The following CALN1 variants were observed in gnomAD, a reference collection of about 807,000 sequenced individuals.
CALN1 encodes calneuron 1.
In CALN1, 17 loss-of-function variants were observed where a neutral mutation model predicts 30.6. The observed-to-expected ratio is 0.56, with a 90% confidence interval of 0.38 to 0.83. The LOEUF is 0.83. Ranked by LOEUF, CALN1 falls within the 40% of genes least tolerant of loss-of-function variation. CALN1 has a pLI of 0.00. For synonymous variants in CALN1, 156 were observed against 131.4 expected, an observed-to-expected ratio of 1.19 and a Z score of -1.28; for missense variants, 291 against 354.9, an observed-to-expected ratio of 0.82 and a Z score of 1.45.
chr7:71,909,251 A>T (rs751915196), intron 5 of CALN1, among the ~76,000 whole-genome samples: 4 of 152,164 alleles, frequency 2.6e-5, no homozygotes, highest in Admixed American at 1.3e-4. Flanking sequence ...GGCCTCCGGA[A>T]GTGCTGGTAT....
At chr7:72,395,122 C>G (rs1293965349) in intron 2 of CALN1, among the ~76,000 whole-genome samples, 1 of 152,170 alleles carries the variant, frequency 6.6e-6, no homozygotes, top group Non-Finnish European at 1.5e-5. Flanking sequence ...ACCCTGTAGA[C>G]TGCATGAGGA....
intron 1 of CALN1, among the ~76,000 whole-genome samples, chr7:72,417,585 T>C (rs1447085550): frequency 6.6e-6 from 1 of 152,258 alleles, no homozygotes; most frequent in Non-Finnish European, 1.5e-5. Flanking sequence ...ATGCATTGTG[T>C]GTTTGAATGT....
At chr7:72,197,910 C>T (rs536515207) in intron 3 of CALN1, among the ~76,000 whole-genome samples, 16 of 152,012 alleles carry the variant, frequency 1.1e-4, no homozygotes, top group East Asian at 3.9e-4. Flanking sequence ...TAAAAAAGAA[C>T]GTGGCCTGCA....
intron 3 of CALN1, among the ~76,000 whole-genome samples, chr7:72,271,575 A>AATATAT (rs1410679506): frequency 3.8e-5 from 2 of 52,122 alleles, no homozygotes; most frequent in African/African-American, 1.3e-4. Flanking sequence ...AAAAAAAAAA[A>AATATAT]ATATATATAT....
At chr7:72,484,838 G>A in the CALN1 span, among the ~76,000 whole-genome samples, 1 of 152,152 alleles carries the variant, frequency 6.6e-6, no homozygotes, top group Admixed American at 6.5e-5. Context: ...ATCTCTTAGG[G>A]ATAATGGGCC....
intron 5 of CALN1, among the ~76,000 whole-genome samples, chr7:71,979,602 C>T (rs1242196590): frequency 6.6e-6 from 1 of 152,156 alleles, no homozygotes; most frequent in African/African-American, 2.4e-5. Context: ...GACTCACCCA[C>T]CTCTCACCTC....
intron 5 of CALN1, among the ~76,000 whole-genome samples, chr7:71,925,104 G>C (rs142715953): frequency 0.015 from 2,357 of 152,164 alleles, 58 homozygotes; most frequent in African/African-American, 0.054. Context: ...AGCTGGGCAT[G>C]GTGGCACATG....
chr7:71,831,487 T>G (rs1789272520), intron 5 of CALN1, among the ~76,000 whole-genome samples: 1 of 151,524 alleles, frequency 6.6e-6, no homozygotes, highest in Non-Finnish European at 1.5e-5. Flanking sequence ...CTCAAAATAA[T>G]TAATTAATTA....
intron 5 of CALN1, among the ~76,000 whole-genome samples, chr7:71,940,700 C>G (rs1275236475): frequency 1.3e-5 from 2 of 152,072 alleles, no homozygotes; most frequent in Admixed American, 6.6e-5. Flanking sequence ...ACCTCCAGGG[C>G]TCAAGCGATC....
chr7:71,906,757 CCAGA>C (rs1179416944), intron 5 of CALN1, among the ~76,000 whole-genome samples: 5 of 152,272 alleles, frequency 3.3e-5, no homozygotes, highest in African/African-American at 1.2e-4. Context: ...GATCTGGCAT[CCAGA>C]CAGAGTTAGG....
Position 71,798,783 on chromosome 7 carries a change from G to A in CALN1, c.659-10881C>T, listed in dbSNP as rs562276677. 4.7e-4 allele frequency among the ~76,000 whole-genome samples: 71 copies of A among 151,534 alleles called. 2 individuals are homozygous for A. The South Asian group carries it at 0.014, about 30-fold the overall frequency. ...ATTACAGGCATGCACCACCATGACC[G>A]ACTAGCTTTTTTTTGTATTTTTAGT... On this transcript the variant is annotated intron_variant, in intron 6 of 6. Coordinates refer to ENST00000395275, the MANE Select transcript of CALN1 (RefSeq NM_031468.4).
chr7:71,867,688 C>T (rs1041691347), intron 5 of CALN1, among the ~76,000 whole-genome samples: 2 of 152,178 alleles, frequency 1.3e-5, no homozygotes, highest in African/African-American at 4.8e-5. Context: ...CCACTTTGGC[C>T]TCCCAAAGTG....
intron 3 of CALN1, among the ~76,000 whole-genome samples, chr7:72,199,030 G>A (rs1355799071): frequency 2.0e-5 from 3 of 152,080 alleles, no homozygotes; most frequent in South Asian, 2.1e-4. Context: ...ATCCCAGCAC[G>A]TTGGGAGGCA....
In CALN1 at chr7:72,376,202, A is replaced by C. The variant is rs115189160; in HGVS notation, c.119+27049T>G. Among the ~76,000 whole-genome samples, 707 of 152,332 alleles carry C rather than the reference A, an allele frequency of 4.6e-3. 2 individuals carry two copies. Among genetic ancestry groups the C allele is most frequent in the Middle Eastern group, 0.01 (3 of 294 alleles). On this transcript the variant is annotated intron_variant, in intron 2 of 6. Transcript: ENST00000395275. ...TATTGTCAATAATTCTGCTACAAGCATTTATATACAAGTATTTGTGTGAAC... is the reference window on the plus strand; with the variant it reads ...TATTGTCAATAATTCTGCTACAAGCCTTTATATACAAGTATTTGTGTGAAC...
intron 4 of CALN1, among the ~76,000 whole-genome samples, chr7:72,053,234 A>C (rs1223991857): frequency 1.3e-5 from 2 of 152,162 alleles, no homozygotes. Flanking sequence ...TGTCTCAAAA[A>C]ACAAACAAAC....
intron 1 of CALN1, among the ~76,000 whole-genome samples, chr7:72,434,784 A>C (rs551203242): frequency 4.6e-5 from 7 of 152,328 alleles, no homozygotes; most frequent in African/African-American, 1.4e-4. Context: ...CTCCCCACAG[A>C]GCAGAACAGC....
intron 2 of CALN1, among the ~76,000 whole-genome samples, chr7:72,334,002 GAAACCCAGCCTGTTAGCCTCA>G (rs1562897575): frequency 6.6e-6 from 1 of 152,182 alleles, no homozygotes; most frequent in East Asian, 1.9e-4. Flanking sequence ...ACATAGGATC[GAAACCCAGCCTGTTAGCCTCA>G]AACCGTAACT....
At chr7:72,100,121 C>T (rs541235643) in intron 4 of CALN1, among the ~76,000 whole-genome samples, 7 of 151,534 alleles carry the variant, frequency 4.6e-5, no homozygotes, top group South Asian at 2.1e-4. Flanking sequence ...AACTTGGGGC[C>T]GAAGACGCTT....
the CALN1 span, among the ~76,000 whole-genome samples, chr7:72,497,012 C>G: frequency 6.6e-6 from 1 of 152,132 alleles, no homozygotes; most frequent in Non-Finnish European, 1.5e-5. Context: ...TATGTAAGTA[C>G]GCTCTCAAAT....
Sources: allele counts gnomAD v4.1 joint callset (sites outside exome capture counted in the v4.1 genomes callset), GRCh38; gene constraint gnomAD v4.1.1; transcripts MANE v1.5; gene names NCBI Gene and HGNC (gene_info 2026-07-23, HGNC 2026-07-21).